The following PUM1 variants were observed in gnomAD, a reference collection of about 807,000 sequenced individuals.
The protein encoded by PUM1 is pumilio RNA binding family member 1, also known as pumilio homolog 1.
PUM1 carries 13 observed loss-of-function variants against 131.8 expected under a neutral mutation model. The ratio of observed to expected loss-of-function variants is 0.10; its 90% CI spans 0.06 to 0.16. PUM1 has a LOEUF of 0.16. PUM1 is among the 10% of genes least tolerant of loss of function. PUM1 has a pLI of 1.00. For missense variants in PUM1, 961 were observed against 1,512.4 expected (o/e 0.64, Z 6.05); for synonymous variants, 509 against 556.5 (o/e 0.91, Z 1.20).
rs16834169 is a variant in PUM1, at chr1:31,004,672, T to C, written c.720+1181A>G. Among the ~76,000 whole-genome samples, 1,274 of 152,272 alleles carry C rather than the reference T, an allele frequency of 8.4e-3. 7 individuals are homozygous for C. The highest frequency in any genetic ancestry group is 0.031 in the Middle Eastern group (9 of 294). On this transcript the variant is annotated intron_variant, in intron 5 of 21. Transcript: ENST00000426105. Reference sequence around the variant, plus strand: ...AGGTCAGCTTTAGAATAGCTAGTACTTAAGAACTGTACTTGACACTTGAGA... The same window carrying C: ...AGGTCAGCTTTAGAATAGCTAGTACCTAAGAACTGTACTTGACACTTGAGA...
Position 30,933,126 on chromosome 1 carries a change from C to T in PUM1, c.*85G>A. 1 of 1,508,838 alleles carries T rather than the reference C, an allele frequency of 6.6e-7. No individual in the cohort carries two copies. The highest frequency in any genetic ancestry group is 8.9e-7 in the Non-Finnish European group (1 of 1,117,734). The allele number at this position is 1,508,838 out of a possible 1,614,324, so 93.5% of individuals were successfully genotyped here. On this transcript the variant is annotated 3_prime_UTR_variant, in exon 22 of 22. Transcript: ENST00000426105. ...AACCACTTGCCCGTCTCAGACTCTA[C>T]ACTAGAACATTTCTGGTTGCTGGTT...
intron 2 of PUM1, among the ~76,000 whole-genome samples, chr1:31,034,212 T>G (rs1474586436): frequency 1.3e-5 from 2 of 152,218 alleles, no homozygotes. Context: ...CCTGAACTGC[T>G]CAGTGTGTCT....
rs767136084 is a variant in PUM1 at position 30,933,206 on chromosome 1, C to T, written c.*5G>A. ...GGGAATGAGGGAACAGCGGGTGACA[C>T]TGCCTCAGATGATACCATTAGGGGG... On this transcript the variant is annotated 3_prime_UTR_variant, in exon 22 of 22. Coordinates refer to ENST00000426105, the MANE Select transcript of PUM1 (RefSeq NM_001020658.2). 4.4e-6 allele frequency: 7 copies of T among 1,604,710 alleles called. No individual in the cohort carries two copies. The highest frequency in any genetic ancestry group is 6.0e-6 in the Non-Finnish European group (7 of 1,175,660).
At chr1:31,047,264 T>A (rs896445467) in intron 2 of PUM1, among the ~76,000 whole-genome samples, 5 of 152,066 alleles carry the variant, frequency 3.3e-5, no homozygotes, top group African/African-American at 1.2e-4. Flanking sequence ...GAAGCCACAG[T>A]GCTATTATGG....
intron 2 of PUM1, among the ~76,000 whole-genome samples, chr1:31,032,531 C>CTGT (rs1351156605): frequency 6.7e-6 from 1 of 150,002 alleles, no homozygotes; most frequent in Non-Finnish European, 1.5e-5. Flanking sequence ...GACTCCTGCT[C>CTGT]TGTTGCCCAG....
intron 3 of PUM1, among the ~76,000 whole-genome samples, chr1:31,026,905 T>G (rs1054793453): frequency 3.6e-4 from 53 of 147,208 alleles, no homozygotes; most frequent in African/African-American, 1.3e-3. Context: ...TATTAACATA[T>G]GCCTATATTC....
intron 3 of PUM1, among the ~76,000 whole-genome samples, chr1:31,023,440 T>C (rs1643106837): frequency 6.6e-6 from 1 of 152,164 alleles, no homozygotes; most frequent in Non-Finnish European, 1.5e-5. Context: ...GAAGTACTTT[T>C]AGCTATTCAA....
intron 20 of PUM1, among the ~76,000 whole-genome samples, chr1:30,938,079 T>C (rs1570076642): frequency 1.3e-5 from 2 of 152,148 alleles, no homozygotes; most frequent in Admixed American, 1.3e-4. Context: ...GCCCTATTTT[T>C]ATTTTTGTAG....
chr1:30,993,719 C>A (rs1169034996), intron 6 of PUM1, among the ~76,000 whole-genome samples: 1 of 152,134 alleles, frequency 6.6e-6, no homozygotes, highest in African/African-American at 2.4e-5. Flanking sequence ...GACACCTGAA[C>A]TCATCTGAAA....
At chr1:31,041,044 C>T (rs1643798220) in intron 2 of PUM1, among the ~76,000 whole-genome samples, 1 of 152,084 alleles carries the variant, frequency 6.6e-6, no homozygotes, top group Admixed American at 6.6e-5. Flanking sequence ...TCAAATAAAG[C>T]AACATAGGTA....
intron 2 of PUM1, among the ~76,000 whole-genome samples, chr1:31,029,134 T>A (rs1298662732): frequency 6.6e-6 from 1 of 152,210 alleles, no homozygotes; most frequent in Non-Finnish European, 1.5e-5. Context: ...AATTCCATCA[T>A]GAGAATTATG....
intron 5 of PUM1, 48 bp downstream of exon 5, chr1:31,005,805 G>T: frequency 6.9e-7 from 1 of 1,457,534 alleles, no homozygotes; most frequent in Non-Finnish European, 9.2e-7. Flanking sequence ...GAGAGAGAGA[G>T]AGAGAGAGAG....
intron 19 of PUM1, 128 bp from the exon 20 acceptor site, chr1:30,941,400 AAC>A (rs1267841936): frequency 1.1e-5 from 10 of 929,038 alleles, no homozygotes; most frequent in African/African-American, 1.7e-5. Flanking sequence ...AATACTAATG[AAC>A]ACACAATTTT....
intron 7 of PUM1, among the ~76,000 whole-genome samples, chr1:30,984,474 G>T (rs998135245): frequency 4.6e-5 from 7 of 152,190 alleles, no homozygotes; most frequent in African/African-American, 1.7e-4. Flanking sequence ...ACAAAATACT[G>T]TGAGTTGGGG....
intron 9 of PUM1, among the ~76,000 whole-genome samples, chr1:30,977,498 T>C (rs1035361385): frequency 6.6e-5 from 10 of 152,228 alleles, no homozygotes; most frequent in African/African-American, 2.2e-4. Context: ...TTTCTACTAC[T>C]ATACGCTGGT....
chr1:30,972,797 T>C (rs1640974430), intron 10 of PUM1, among the ~76,000 whole-genome samples: 1 of 134,642 alleles, frequency 7.4e-6, no homozygotes, highest in Non-Finnish European at 1.6e-5. Flanking sequence ...AAAAGAAATT[T>C]GGCCAGGCGT....
chr1:31,050,595 A>C (rs1377775635), intron 2 of PUM1, among the ~76,000 whole-genome samples: 1 of 152,236 alleles, frequency 6.6e-6, no homozygotes, highest in African/African-American at 2.4e-5. Flanking sequence ...GTGTAAGAGA[A>C]ACAAAATATG....
chr1:30,997,458 A>G lies in PUM1; in HGVS notation c.721-2238T>C, dbSNP rs138958522. Among the ~76,000 whole-genome samples, 782 of 148,086 alleles carry G rather than the reference A, an allele frequency of 5.3e-3. 6 individuals carry two copies. The highest frequency in any genetic ancestry group is 0.018 in the African/African-American group (723 of 40,230). ...GGTTGCAGTGAGCCAAGATCACACC[A>G]TTGCACTCCAGCCTAGGCAACAAGA... is the stretch of plus-strand genomic sequence containing the variant. On this transcript the variant is annotated intron_variant, in intron 5 of 21. Transcript: ENST00000426105.
At chr1:31,015,404 T>TG (rs1642777555) in intron 3 of PUM1, among the ~76,000 whole-genome samples, 1 of 151,662 alleles carries the variant, frequency 6.6e-6, no homozygotes, top group South Asian at 2.1e-4. Context: ...TGCAGTGGCA[T>TG]GATCTCGGCT....
Sources: gnomAD v4.1 joint callset for allele counts (sites outside exome capture counted in the v4.1 genomes callset) on GRCh38, gnomAD v4.1.1 for gene constraint, MANE v1.5 for transcripts, NCBI Gene and HGNC (gene_info 2026-07-23, HGNC 2026-07-21) for gene names.